Variants in PI4KA observed in about 807,000 individuals in gnomAD.
The protein encoded by PI4KA is PI4-kinase alpha.
PI4KA carries 122 observed loss-of-function variants against 271.4 expected under a neutral mutation model. The observed-to-expected ratio is 0.45, with a 90% CI of 0.39 to 0.52. The LOEUF (loss-of-function observed/expected upper bound fraction) is 0.52, where lower values mean the gene tolerates loss of function less well. Among genes scored for constraint, PI4KA ranks in the 20% least tolerant of loss-of-function variants. The pLI is 0.00. For missense variants in PI4KA, 1,969 were observed against 2,769.1 expected (o/e 0.71, Z 6.48); for synonymous variants, 1,041 against 1,078.8 (o/e 0.96, Z 0.69).
intron 19 of PI4KA, among the ~76,000 whole-genome samples, chr22:20,780,929 T>C (rs1933751275): frequency 6.6e-6 from 1 of 152,184 alleles, no homozygotes; most frequent in African/African-American, 2.4e-5. Context: ...CAGCCTGGAT[T>C]TGAGTTTTCT....
At chr22:20,738,017 T>C (rs551833322) in intron 32 of PI4KA, among the ~76,000 whole-genome samples, 2 of 152,318 alleles carry the variant, frequency 1.3e-5, no homozygotes, top group African/African-American at 4.8e-5. Flanking sequence ...CACTGTGTCC[T>C]GACAGTCACA....
In PI4KA at chr22:20,858,650, CGCTGGA is replaced by C; in HGVS notation, c.70_75del (p.Ser24_Ser25del). On this transcript the variant is annotated inframe_deletion, in exon 1 of 55. Coordinates refer to ENST00000255882, the MANE Select transcript of PI4KA (RefSeq NM_058004.4). ...GTGTTGAAATAGAAGCCCCGCGAGG[CGCTGGA>C]GCCGGAGCCGGAGCAGCCGCCGCCG... The C allele has an allele frequency of 6.7e-7, 1 of 1,484,032 alleles. No individual in the cohort carries two copies. The highest frequency in any genetic ancestry group is 1.3e-5 in the South Asian group (1 of 78,580). The allele number at this position is 1,484,032 out of a possible 1,614,324, so 91.9% of individuals were successfully genotyped here.
chr22:20,763,017 TGGG>T lies in PI4KA; in HGVS notation c.2709-1634_2709-1632del, dbSNP rs1227387739. On this transcript the variant is annotated intron_variant, in intron 22 of 54. Coordinates refer to ENST00000255882, the MANE Select transcript of PI4KA (RefSeq NM_058004.4). ...GGCTAGGTTTTTTTGCTTTTTTTTT[TGGG>T]GGGGGGGGGGGTTAGAGACAAGTTC... Among the ~76,000 whole-genome samples the T allele has an allele frequency of 3.8e-5, 2 of 52,206 alleles. 1 individual carries two copies. Among genetic ancestry groups the T allele is most frequent in the African/African-American group, 1.8e-4 (2 of 11,344 alleles). 34.2% of individuals were successfully genotyped at this position (52,206 alleles called of 152,430 possible).
rs544299735 is a variant in PI4KA at position 20,856,538 on chromosome 22, G to GA, written c.156+2031dup. Among the ~76,000 whole-genome samples the GA allele has an allele frequency of 7.3e-5, 11 of 151,136 alleles. No homozygotes were observed. The South Asian group carries it at 2.3e-3, about 32-fold the overall frequency. On this transcript the variant is annotated intron_variant, in intron 1 of 54. Transcript: ENST00000255882. ...CAACCTCTGCCTCTCAGGTTCAAGC[G>GA]ATTCTCCTGCCTCAGCCTCCCAAGT...
Position 20,811,069 on chromosome 22 carries a change from T to A in PI4KA, c.1006-37A>T, listed in dbSNP as rs201534210. ...ACAGAACCTCATGAAGCAACTGACATACACAGAGACAGGAATGCTAGCTCC... is the reference window on the plus strand; with the variant it reads ...ACAGAACCTCATGAAGCAACTGACAAACACAGAGACAGGAATGCTAGCTCC... On this transcript the variant is annotated intron_variant, in intron 8 of 54. Transcript: ENST00000255882. The A allele has an allele frequency of 2.8e-5, 42 of 1,486,826 alleles. 1 individual carries two copies. The East Asian group carries it at 8.8e-4, about 31-fold the overall frequency. 92.1% of individuals were successfully genotyped at this position (1,486,826 alleles called of 1,614,324 possible).
intron 42 of PI4KA, among the ~76,000 whole-genome samples, chr22:20,723,327 C>T (rs947810165): frequency 1.3e-5 from 2 of 151,958 alleles, no homozygotes; most frequent in Non-Finnish European, 2.9e-5. Context: ...GCCTACTGTT[C>T]CCTTTTTTTG....
chr22:20,780,018 T>C (rs551137262), intron 19 of PI4KA: 8 of 1,614,064 alleles, frequency 5.0e-6, no homozygotes, highest in African/African-American at 1.3e-5. Flanking sequence ...CCTGCTTGAC[T>C]TCAAAACTAA....
At chr22:20,752,033 C>T (rs1449169401) in intron 25 of PI4KA, among the ~76,000 whole-genome samples, 1 of 152,218 alleles carries the variant, frequency 6.6e-6, no homozygotes, top group African/African-American at 2.4e-5. Flanking sequence ...CTGGCCAGGA[C>T]ACCCCTCACT....
chr22:20,830,415 G>A (rs1423108304), intron 3 of PI4KA, among the ~76,000 whole-genome samples: 1 of 152,154 alleles, frequency 6.6e-6, no homozygotes, highest in Non-Finnish European at 1.5e-5. Flanking sequence ...TTTGTCTTTT[G>A]TGATCTTCGT....
Position 20,858,559 on chromosome 22 carries a change from G to C in PI4KA, c.156+11C>G. The C allele has an allele frequency of 1.5e-6, 2 of 1,370,316 alleles. No individual in the cohort carries two copies. The highest frequency in any genetic ancestry group is 1.7e-5 in the South Asian group (1 of 60,336). 84.9% of individuals were successfully genotyped at this position (1,370,316 alleles called of 1,614,324 possible). A position where few individuals can be genotyped will look rare whatever the true frequency, so the allele number is the denominator to read the frequency against. On this transcript the variant is annotated intron_variant, in intron 1 of 54. Transcript: ENST00000255882. ...CTCCTGTCAGCCCGCGGCCCAGCCCGCCGACGTTACCTTCTCCAAGGATGC... is the reference window on the plus strand; with the variant it reads ...CTCCTGTCAGCCCGCGGCCCAGCCCCCCGACGTTACCTTCTCCAAGGATGC...
intron 1 of PI4KA, among the ~76,000 whole-genome samples, chr22:20,841,524 C>G (rs1231177457): frequency 2.0e-5 from 3 of 152,106 alleles, no homozygotes; most frequent in African/African-American, 7.2e-5. Context: ...AAAAGCCAGG[C>G]ATAGCTTTAA....
At chr22:20,808,080 C>T (rs556546390) in intron 9 of PI4KA, among the ~76,000 whole-genome samples, 22 of 147,716 alleles carry the variant, frequency 1.5e-4, no homozygotes, top group Non-Finnish European at 2.5e-4. Context: ...CACCTGAGGT[C>T]GGGAGTTTGA....
rs1368948186 is a variant in PI4KA, at chr22:20,842,764, G to C, written c.157-4033C>G. Reference sequence around the variant, plus strand: ...GGAGCCGGAGATAGCAGTGAGCCGAGATTGTGCCACTGCACTCTCCAGCCT... The same window carrying C: ...GGAGCCGGAGATAGCAGTGAGCCGACATTGTGCCACTGCACTCTCCAGCCT... On this transcript the variant is annotated intron_variant, in intron 1 of 54. Transcript: ENST00000255882. 4.0e-5 allele frequency among the ~76,000 whole-genome samples: 6 copies of C among 149,252 alleles called. No homozygotes were observed. The Admixed American group carries it at 4.1e-4, about 10-fold the overall frequency.
intron 50 of PI4KA, 59 bp downstream of exon 50, chr22:20,712,427 G>A (rs1026345844): frequency 4.4e-6 from 7 of 1,592,152 alleles, no homozygotes; most frequent in African/African-American, 2.7e-5. Context: ...CTGGGTATGG[G>A]TGGCTGGGGT....
intron 29 of PI4KA, among the ~76,000 whole-genome samples, chr22:20,746,988 C>A (rs1382686887): frequency 2.6e-5 from 4 of 152,336 alleles, no homozygotes; most frequent in Non-Finnish European, 4.4e-5. Context: ...GGGAAGCACA[C>A]ATGGCCAGGC....
At chr22:20,735,627 C>T (rs1928619550) in intron 32 of PI4KA, among the ~76,000 whole-genome samples, 2 of 152,240 alleles carry the variant, frequency 1.3e-5, no homozygotes, top group South Asian at 4.1e-4. Context: ...CTTTTGCACT[C>T]TGTCCTTGTC....
At chr22:20,768,970 G>A (rs1468516460) in intron 19 of PI4KA, among the ~76,000 whole-genome samples, 1 of 152,164 alleles carries the variant, frequency 6.6e-6, no homozygotes, top group Non-Finnish European at 1.5e-5. Context: ...CGGCCTCCCA[G>A]GATAAGGTCC....
At chr22:20,712,875 A>G in intron 48 of PI4KA, 78 bp from the exon 49 acceptor site, 1 of 1,549,356 alleles carries the variant, frequency 6.5e-7, no homozygotes, top group Non-Finnish European at 8.7e-7. Context: ...ATGCAGGGCA[A>G]AAGCCAAGCA....
intron 1 of PI4KA, among the ~76,000 whole-genome samples, chr22:20,844,672 C>T (rs2147796467): frequency 6.6e-6 from 1 of 152,266 alleles, no homozygotes; most frequent in African/African-American, 2.4e-5. Context: ...CCTACAGAAA[C>T]CATCACACCC....
Sources: allele counts gnomAD v4.1 joint callset (sites outside exome capture counted in the v4.1 genomes callset), GRCh38; gene constraint gnomAD v4.1.1; transcripts MANE v1.5; gene names NCBI Gene and HGNC (gene_info 2026-07-23, HGNC 2026-07-21).